Variants in COG6 observed in about 807,000 individuals in gnomAD.
COG6 encodes the protein component of oligomeric golgi complex 6, also known as conserved oligomeric Golgi complex subunit 6.
A neutral mutation model predicts 88.8 loss-of-function variants in COG6; 74 were observed. The observed-to-expected ratio is 0.83, with a 90% CI of 0.69 to 1.01. The LOEUF (loss-of-function observed/expected upper bound fraction) is 1.01. COG6 is among the 50% of genes least tolerant of loss of function. The pLI is 0.00. For synonymous variants in COG6, 286 were observed against 278.7 expected (o/e 1.03, Z -0.26); for missense variants, 800 against 797.9 (o/e 1.00, Z -0.03).
At chr13:39,738,018 T>C (rs1879854728) in intron 18 of COG6, among the ~76,000 whole-genome samples, 1 of 152,184 alleles carries the variant, frequency 6.6e-6, no homozygotes, top group African/African-American at 2.4e-5. Context: ...CGCGCCATGC[T>C]GCCAGTGCCA....
chr13:39,752,147 CA>C lies in COG6; in HGVS notation c.*1063del, dbSNP rs144577794. The C allele has an allele frequency of 0.42, 473,225 of 1,136,068 alleles. 95,396 individuals carry two copies. Among genetic ancestry groups the C allele is most frequent in the Admixed American group, 0.59 (18,182 of 30,566 alleles). The allele number at this position is 1,136,068 out of a possible 1,614,324, so 70.4% of individuals were successfully genotyped here. On this transcript the variant is annotated 3_prime_UTR_variant, in exon 19 of 19. Transcript: ENST00000455146. ...GTGCCTGATTTGACATTCTTGTCAG[CA>C]AAAAAAAACTTAATTTCTAGTAAAT...
chr13:39,669,623 G>A (rs1875497094), intron 4 of COG6, among the ~76,000 whole-genome samples: 1 of 152,194 alleles, frequency 6.6e-6, no homozygotes, highest in Non-Finnish European at 1.5e-5. Context: ...TGTTAGGAAA[G>A]GAACATAAAA....
At chr13:39,685,871 G>GTAC (rs5803005) in intron 8 of COG6, among the ~76,000 whole-genome samples, 109,665 of 151,804 alleles carry the variant, frequency 0.72, 39,882 homozygotes, top group Admixed American at 0.81. Flanking sequence ...CCCCTTTTCT[G>GTAC]TAGTATGTCA....
At chr13:39,711,790 T>C (rs1242044252) in intron 13 of COG6, among the ~76,000 whole-genome samples, 1 of 152,228 alleles carries the variant, frequency 6.6e-6, no homozygotes, top group African/African-American at 2.4e-5. Flanking sequence ...ACATTCAGCA[T>C]TTTTAATATT....
chr13:39,706,774 C>A (rs900597169), intron 13 of COG6, among the ~76,000 whole-genome samples: 15 of 151,416 alleles, frequency 9.9e-5, no homozygotes, highest in Non-Finnish European at 1.8e-4. Flanking sequence ...ACCTCCTCCT[C>A]CTGGGTTCAA....
Position 39,679,621 on chromosome 13 carries a change from G to A in COG6, c.623+1G>A. Reference sequence around the variant, plus strand: ...TGCGTACAAATCAACAAACGGCAGGGTGAGTAACTGCTCACTGAACTAATT... The same window carrying A: ...TGCGTACAAATCAACAAACGGCAGGATGAGTAACTGCTCACTGAACTAATT... On this transcript the variant is annotated splice_donor_variant, in intron 6 of 18. Transcript: ENST00000455146. LOFTEE classifies it high-confidence loss of function. 1.3e-6 allele frequency: 2 copies of A among 1,570,014 alleles called. No homozygotes were observed. Among genetic ancestry groups the A allele is most frequent in the Non-Finnish European group, 1.8e-6 (2 of 1,139,914 alleles).
At chr13:39,733,189 CTTT>C (rs914935008) in intron 18 of COG6, among the ~76,000 whole-genome samples, 23 of 133,198 alleles carry the variant, frequency 1.7e-4, no homozygotes, top group African/African-American at 3.0e-4. Context: ...AGAAAGAATT[CTTT>C]TTTTTTTTTT....
chr13:39,727,456 C>T lies in COG6; in HGVS notation c.1747-13C>T, dbSNP rs763131838. 1.9e-6 allele frequency: 3 copies of T among 1,592,178 alleles called. No individual in the cohort carries two copies. The highest frequency in any genetic ancestry group is 2.6e-6 in the Non-Finnish European group (3 of 1,160,342). On this transcript the variant is annotated splice_polypyrimidine_tract_variant and intron_variant, in intron 17 of 18. Coordinates refer to ENST00000455146, the MANE Select transcript of COG6 (RefSeq NM_020751.3). ...TATGTACTTTATATTTTGTATTTCT[C>T]TGTTTCATTTAGGTTCAGTTTGATC...
At chr13:39,671,321 T>A (rs1875618074) in intron 4 of COG6, among the ~76,000 whole-genome samples, 1 of 151,946 alleles carries the variant, frequency 6.6e-6, no homozygotes, top group African/African-American at 2.4e-5. Context: ...GAAAATTTTG[T>A]CTGATCAAAT....
intron 2 of COG6, among the ~76,000 whole-genome samples, chr13:39,659,769 CA>C (rs532638957): frequency 2.2e-4 from 33 of 152,112 alleles, no homozygotes; most frequent in African/African-American, 7.0e-4. Context: ...GCTTTTTTAA[CA>C]AAAAAATTAA....
intron 18 of COG6, among the ~76,000 whole-genome samples, chr13:39,782,347 A>G (rs894618408): frequency 2.6e-5 from 4 of 152,232 alleles, no homozygotes; most frequent in African/African-American, 9.6e-5. Flanking sequence ...GTAGCTTAAG[A>G]TAACCTAAAG....
At chr13:39,723,021 ATATTT>A (rs1156835136) in intron 15 of COG6, among the ~76,000 whole-genome samples, 2 of 151,972 alleles carry the variant, frequency 1.3e-5, no homozygotes, top group African/African-American at 2.4e-5. Flanking sequence ...TTCTTCCTAA[ATATTT>A]TATTTTATAC....
intron 18 of COG6, among the ~76,000 whole-genome samples, chr13:39,774,392 C>G (rs577041002): frequency 6.6e-6 from 1 of 152,066 alleles, no homozygotes; most frequent in Non-Finnish European, 1.5e-5. Context: ...GTATTTGTTA[C>G]AACTGATGCT....
intron 16 of COG6, 72 bp from the exon 17 acceptor site, chr13:39,724,436 A>C: frequency 8.5e-7 from 1 of 1,170,702 alleles, no homozygotes; most frequent in Non-Finnish European, 1.3e-6. Context: ...AACTATATTC[A>C]GTAAGTGAAA....
At chr13:39,744,449 A>G (rs1395797323) in intron 18 of COG6, among the ~76,000 whole-genome samples, 1 of 152,186 alleles carries the variant, frequency 6.6e-6, no homozygotes, top group East Asian at 1.9e-4. Context: ...AAGCATTCCT[A>G]TACACCAATA....
intron 18 of COG6, among the ~76,000 whole-genome samples, chr13:39,745,053 C>T (rs1030074309): frequency 1.3e-5 from 2 of 152,078 alleles, no homozygotes; most frequent in Admixed American, 6.6e-5. Context: ...GAAAGCTGAA[C>T]CTGGATCCCT....
chr13:39,712,044 G>T (rs987372391), intron 13 of COG6, among the ~76,000 whole-genome samples: 18 of 152,220 alleles, frequency 1.2e-4, no homozygotes, highest in African/African-American at 4.3e-4. Context: ...ATTTTTAGTA[G>T]AGACGGGGTT....
chr13:39,666,568 T>C (rs530517061), intron 4 of COG6, among the ~76,000 whole-genome samples: 1 of 152,204 alleles, frequency 6.6e-6, no homozygotes, highest in African/African-American at 2.4e-5. Flanking sequence ...AACTCCTTAG[T>C]TTTACATCCA....
intron 2 of COG6, 40 bp from the exon 3 acceptor site, chr13:39,660,770 C>T: frequency 1.6e-6 from 2 of 1,246,004 alleles, no homozygotes; most frequent in Non-Finnish European, 2.4e-6. Context: ...CTTCTTCTTG[C>T]TGTATATATG....
Sources: allele counts gnomAD v4.1 joint callset (sites outside exome capture counted in the v4.1 genomes callset), GRCh38; gene constraint gnomAD v4.1.1; transcripts MANE v1.5; gene names NCBI Gene and HGNC (gene_info 2026-07-23, HGNC 2026-07-21).